The following TAF6 variants were observed in gnomAD, a reference collection of about 807,000 sequenced individuals.
TAF6 encodes the protein transcription initiation factor TFIID subunit 6.
A neutral mutation model predicts 73.5 loss-of-function variants in TAF6; 50 were observed. The observed-to-expected ratio is 0.68, with a 90% CI of 0.54 to 0.86. The LOEUF (loss-of-function observed/expected upper bound fraction) is 0.86. TAF6 is among the 40% of genes least tolerant of loss of function. The pLI, the probability that TAF6 is intolerant of heterozygous loss-of-function variation, is 0.00. For synonymous variants in TAF6, 424 were observed against 376.7 expected (o/e 1.13, Z -1.45); for missense variants, 768 against 899.5 (o/e 0.85, Z 1.87).
At chr7:100,110,730 G>A (rs1797097972) in intron 10 of TAF6, among the ~76,000 whole-genome samples, 1 of 152,218 alleles carries the variant, frequency 6.6e-6, no homozygotes, top group Non-Finnish European at 1.5e-5. Flanking sequence ...AGAATCATTG[G>A]AACCCAGGAG....
chr7:100,125,695 G>A, the TAF6 span, among the ~76,000 whole-genome samples: 5 of 152,184 alleles, frequency 3.3e-5, no homozygotes, highest in Non-Finnish European at 5.9e-5. Flanking sequence ...AGCGCCTGTA[G>A]TCCCAGTTAC....
In TAF6 at chr7:100,112,183, C is replaced by T. The variant is rs757588286; in HGVS notation, c.645G>A (p.Glu215=). ...AGTAGAGCTGCTGCTCCACAGACAA[C>T]TCGTGGATGCTCCGGGGCTTCAGTC... The part of the protein sequence containing the change: ...PLRLKPRSIH[E]LSVEQQLYYK... The change falls in exon 7 of 15, where the codon GAG becomes GAA. Residue 215 remains glutamate (E), a synonymous_variant. Coordinates refer to ENST00000453269, the MANE Select transcript of TAF6 (RefSeq NM_139315.3). 3.7e-6 allele frequency: 6 copies of T among 1,614,192 alleles called. No individual in the cohort carries two copies. In the Admixed American group the frequency reaches 1.0e-4, roughly 27 times the overall value.
Position 100,119,201 on chromosome 7 carries a change from A to G in TAF6, c.-60+3T>C, listed in dbSNP as rs970338568. On this transcript the variant is annotated splice_donor_region_variant and intron_variant, in intron 1 of 14. Coordinates refer to ENST00000453269, the MANE Select transcript of TAF6 (RefSeq NM_139315.3). ...TCCCCACGAGCACAGACACACAACC[A>G]ACCGTCCTCTTTCCAGTCCCCACAA... 1 of 990,756 alleles carries G rather than the reference A, an allele frequency of 1.0e-6. No homozygotes were observed. Among genetic ancestry groups the G allele is most frequent in the African/African-American group, 1.7e-5 (1 of 57,248 alleles). The allele number at this position is 990,756 out of a possible 1,614,324, so 61.4% of individuals were successfully genotyped here. A position where few individuals can be genotyped will look rare whatever the true frequency, so the allele number is the denominator to read the frequency against.
At chr7:100,124,314 A>T (rs984247136), upstream of TAF6, 1 of 544,400 alleles carries the variant, frequency 1.8e-6, no homozygotes, top group African/African-American at 1.9e-5. Flanking sequence ...GCTGAGACTC[A>T]AGAGTTTAAT....
At chr7:100,127,137 C>T in the TAF6 span, 2 of 517,912 alleles carry the variant, frequency 3.9e-6, no homozygotes, top group African/African-American at 2.0e-5. The surrounding 1 kb of genome is among the most constrained non-coding windows in gnomAD (Gnocchi z 4.6). Context: ...CAAGGACGTA[C>T]GTACCGCGAA....
intron 1 of TAF6, chr7:100,114,685 A>C (rs1208217461): frequency 4.0e-6 from 1 of 252,660 alleles, no homozygotes; most frequent in Non-Finnish European, 7.5e-6. Context: ...ACGCCACTGC[A>C]CTCCAGCCAG....
intron 1 of TAF6, chr7:100,115,532 C>CAT: frequency 6.6e-6 from 1 of 152,034 alleles, no homozygotes; most frequent in Non-Finnish European, 1.5e-5. Context: ...CATGGTGGCG[C>CAT]GTGCCTGTAA....
upstream of TAF6, chr7:100,122,049 G>GA (rs111511573): frequency 0.64 from 200,332 of 313,642 alleles, 55,648 homozygotes; most frequent in African/African-American, 0.88. Context: ...GAGTCCGTCT[G>GA]AAAAAAAAAA....
intron 1 of TAF6, among the ~76,000 whole-genome samples, chr7:100,117,357 C>T (rs1159559358): frequency 7.3e-5 from 11 of 150,670 alleles, no homozygotes; most frequent in Non-Finnish European, 4.4e-5. Context: ...CTGCAACCTC[C>T]GCCTCCCAGA....
the TAF6 span, chr7:100,125,030 G>A: frequency 1.0e-6 from 1 of 976,340 alleles, no homozygotes; most frequent in Admixed American, 2.6e-5. Context: ...TCTAACCTCA[G>A]GCAAGATCCT....
At chr7:100,107,840 G>A (rs1313869473) in intron 14 of TAF6, 86 bp downstream of exon 14, 26 of 1,487,516 alleles carry the variant, frequency 1.7e-5, no homozygotes, top group East Asian at 4.6e-5. Context: ...GCCCAGAGGG[G>A]ACTGTGCTCT....
In TAF6 at chr7:100,114,107, TCTC is replaced by T. The variant is rs1354229817; in HGVS notation, c.100_102del (p.Glu34del). Reference sequence around the variant, plus strand: ...ACCTCATCCGTTAGCAGCTGGCAGGTCTCCTCCTGAATCTGGGCGATGCCCATG... The same window carrying T: ...ACCTCATCCGTTAGCAGCTGGCAGGTCTCCTGAATCTGGGCGATGCCCATG... On this transcript the variant is annotated inframe_deletion, in exon 2 of 15. Coordinates refer to ENST00000453269, the MANE Select transcript of TAF6 (RefSeq NM_139315.3). The T allele has an allele frequency of 1.9e-6, 3 of 1,613,960 alleles. No homozygotes were observed. The highest frequency in any genetic ancestry group is 3.3e-5 in the Admixed American group (2 of 59,980).
chr7:100,112,849 C>A lies in TAF6; in HGVS notation c.523G>T (p.Asp175Tyr). ...LKSAKPGQEE[D>Y]GPLKGKGQGA... ...TGACCTTTGCCCTTCAGGGGTCCGTCTTCCTCCTGGCCTGGCTTGGCTGAC... is the reference window on the plus strand; with the variant it reads ...TGACCTTTGCCCTTCAGGGGTCCGTATTCCTCCTGGCCTGGCTTGGCTGAC... Residue 175 changes from aspartate (D) to tyrosine (Y), a missense_variant, in exon 6 of 15, where the codon GAC becomes TAC. Asp to Tyr is a radical substitution (Grantham distance 160, BLOSUM62 -3). Around this residue, in one of 5 missense-constraint regions of TAF6, gnomAD observed 269 missense variants for 268.0 expected, o/e 1.00. Transcript: ENST00000453269. 1.2e-6 allele frequency: 2 copies of A among 1,614,066 alleles called. No homozygotes were observed. Among genetic ancestry groups the A allele is most frequent in the Non-Finnish European group, 1.7e-6 (2 of 1,179,900 alleles).
chr7:100,121,725 C>T (rs2116893661), upstream of TAF6, among the ~76,000 whole-genome samples: 1 of 151,792 alleles, frequency 6.6e-6, no homozygotes, highest in South Asian at 2.1e-4. Context: ...CAGGTGTGAG[C>T]CACCACTCCT....
In TAF6 at chr7:100,108,007, C is replaced by T. The variant is rs371844555; in HGVS notation, c.1575G>A (p.Ala525=). The T allele has an allele frequency of 4.3e-6, 7 of 1,613,796 alleles. No individual in the cohort carries two copies. Among genetic ancestry groups the T allele is most frequent in the African/African-American group, 2.7e-5 (2 of 74,882 alleles). The change falls in exon 14 of 15, where the codon GCG becomes GCA. Residue 525 remains alanine, a synonymous_variant. Transcript: ENST00000453269. ...GAGGGGAAGGCTGTGGTGGGGCAGC[C>T]GCTCGTGCAGACACCAGTGTCTGGA... ...LPVQTLVSAR[A]AAPPQPSPPP... is the part of the protein sequence containing the mutation.
rs766039707 is a variant in TAF6, at chr7:100,114,233, T to C, written c.-24A>G. On this transcript the variant is annotated 5_prime_UTR_variant, in exon 2 of 15. Transcript: ENST00000453269. ...ATTCTGGAGTCCCTCTTCTCCTCCC[T>C]GGAAGGATGAAGCCCCCGGTGGAGA... 7.4e-6 allele frequency: 12 copies of C among 1,613,556 alleles called. No individual in the cohort carries two copies. In the East Asian group the frequency reaches 1.1e-4, roughly 15 times the overall value.
chr7:100,110,398 G>A (rs2116760374), intron 10 of TAF6, 124 bp from the exon 11 acceptor site: 2 of 1,081,600 alleles, frequency 1.8e-6, no homozygotes, highest in Non-Finnish European at 2.8e-6. Flanking sequence ...CAGACGTGGT[G>A]GCTCACACCT....
At chr7:100,109,231 T>G (rs1260593749) in intron 12 of TAF6, among the ~76,000 whole-genome samples, 1 of 150,722 alleles carries the variant, frequency 6.6e-6, no homozygotes, top group Admixed American at 6.6e-5. Context: ...GGCTGAGGCA[T>G]GAGAATTGCT....
chr7:100,121,815 C>G (rs576093491), upstream of TAF6, among the ~76,000 whole-genome samples: 78 of 151,882 alleles, frequency 5.1e-4, no homozygotes, highest in Non-Finnish European at 9.1e-4. Flanking sequence ...CTTTGGGAGG[C>G]CAAGGCGGGC....
Sources: gnomAD v4.1 joint callset for allele counts (sites outside exome capture counted in the v4.1 genomes callset) on GRCh38, gnomAD v4.1.1 for gene constraint, gnomAD v4.1.1 regional missense constraint, Gnocchi (gnomAD v3.1) non-coding constraint, MANE v1.5 for transcripts, NCBI Gene and HGNC (gene_info 2026-07-23, HGNC 2026-07-21) for gene names.